ABI2: variants seen among roughly 807,000 people sequenced by gnomAD.
The protein encoded by ABI2 is abl interactor 2.
Under a neutral mutation model 59.2 loss-of-function variants are expected in ABI2, and 25 were observed. The ratio of observed to expected loss-of-function variants is 0.42; its 90% CI spans 0.31 to 0.59. The LOEUF (loss-of-function observed/expected upper bound fraction) is 0.59. Ranked by LOEUF, ABI2 falls within the 20% of genes least tolerant of loss-of-function variation. The probability of loss-of-function intolerance (pLI) is 0.14; values close to 1 mark genes in which losing one functional copy is unlikely to be tolerated. For missense variants in ABI2, 545 were observed against 681.8 expected, an observed-to-expected ratio of 0.80 and a Z score of 2.23; for synonymous variants, 213 against 235.5, an observed-to-expected ratio of 0.90 and a Z score of 0.87.
chr2:203,427,322 C>T lies in ABI2; in HGVS notation c.1599C>T (p.Tyr533=), dbSNP rs1028618107. 16 of 1,613,838 alleles carry T rather than the reference C, an allele frequency of 9.9e-6. No homozygotes were observed. Among genetic ancestry groups the T allele is most frequent in the South Asian group, 2.2e-5 (2 of 91,060 alleles). ...TGACTGGGCTTTTTCCTGGGAATTA[C>T]GTTGAGTCTATCATGCATTATTCTG... The part of the protein sequence containing the change: ...NGVTGLFPGN[Y]VESIMHYSE Residue 533 remains tyrosine, a synonymous_variant, in exon 12 of 12, where the codon TAC becomes TAT. Transcript: ENST00000261018.
intron 1 of ABI2, among the ~76,000 whole-genome samples, chr2:203,343,534 C>T (rs936575138): frequency 1.3e-5 from 2 of 151,838 alleles, no homozygotes; most frequent in African/African-American, 2.4e-5. Context: ...GATGGGGTTG[C>T]TCAGGGTGAT....
Position 203,345,199 on chromosome 2 carries a change from C to T in ABI2, c.117+16568C>T, listed in dbSNP as rs139139272. On this transcript the variant is annotated intron_variant, in intron 1 of 11. Coordinates refer to ENST00000261018, the MANE Select transcript of ABI2 (RefSeq NM_001375670.1). The stretch of plus-strand genomic sequence containing the variant: ...TCTGCAGCTTCACTCCTGAAGCCAG[C>T]GAGACCACAAACTTATCGGGAGGAA... Among the ~76,000 whole-genome samples, 756 of 152,262 alleles carry T rather than the reference C, an allele frequency of 5.0e-3. 11 individuals are homozygous for T. The highest frequency in any genetic ancestry group is 0.017 in the African/African-American group (718 of 41,548).
chr2:203,370,089 TAAATA>T (rs2094971845), intron 2 of ABI2, among the ~76,000 whole-genome samples: 1 of 152,274 alleles, frequency 6.6e-6, no homozygotes, highest in East Asian at 1.9e-4. Context: ...AAACTTTTCT[TAAATA>T]AAAGGCCAGA....
At chr2:203,385,139 C>CTTTTTTTTTTTTCTTTTTTT (rs2096429755) in intron 4 of ABI2, among the ~76,000 whole-genome samples, 1 of 69,938 alleles carries the variant, frequency 1.4e-5, no homozygotes, top group Non-Finnish European at 2.9e-5. Context: ...GGCTCAGATT[C>CTTTTTTTTTTTTCTTTTTTT]TTTTTTTTTT....
rs761089846 is a variant in ABI2, at chr2:203,419,271, C to T, written c.1453+2190C>T. Among the ~76,000 whole-genome samples the T allele has an allele frequency of 3.8e-4, 56 of 149,314 alleles. 1 individual carries two copies. The highest frequency in any genetic ancestry group is 1.3e-3 in the Admixed American group (20 of 15,008). ...ACTACCGGCGCCCACCACCGCGCCCCGCTAATTTTTTTGTATTTTTAGTAG... is the reference window on the plus strand; with the variant it reads ...ACTACCGGCGCCCACCACCGCGCCCTGCTAATTTTTTTGTATTTTTAGTAG... On this transcript the variant is annotated intron_variant, in intron 11 of 11. Coordinates refer to ENST00000261018, the MANE Select transcript of ABI2 (RefSeq NM_001375670.1).
At chr2:203,333,920 A>G (rs2075180469) in intron 1 of ABI2, among the ~76,000 whole-genome samples, 1 of 148,642 alleles carries the variant, frequency 6.7e-6, no homozygotes, top group African/African-American at 2.5e-5. Flanking sequence ...CTGTTCATTT[A>G]TTTTTTCTTT....
intron 10 of ABI2, among the ~76,000 whole-genome samples, chr2:203,413,488 A>T (rs1257714594): frequency 6.6e-6 from 1 of 152,222 alleles, no homozygotes; most frequent in Non-Finnish European, 1.5e-5. Context: ...CACTACCTAT[A>T]TTTTAAAAAG....
intron 10 of ABI2, among the ~76,000 whole-genome samples, chr2:203,415,230 T>A (rs999601437): frequency 2.0e-5 from 3 of 152,156 alleles, no homozygotes; most frequent in Admixed American, 6.5e-5. Flanking sequence ...ATAAAGTAGA[T>A]CAGTATAGAG....
intron 1 of ABI2, among the ~76,000 whole-genome samples, chr2:203,365,760 G>T (rs1343440890): frequency 6.7e-6 from 1 of 149,842 alleles, no homozygotes; most frequent in Non-Finnish European, 1.5e-5. Context: ...CTCCTGAGTA[G>T]CTGGGACTAC....
chr2:203,397,921 G>GA (rs1009888924), intron 8 of ABI2, among the ~76,000 whole-genome samples: 6 of 152,148 alleles, frequency 3.9e-5, no homozygotes, highest in African/African-American at 1.4e-4. Flanking sequence ...TAAACCATGA[G>GA]AAACCGCCCT....
At chr2:203,330,019 G>A (rs1178604808) in intron 1 of ABI2, among the ~76,000 whole-genome samples, 1 of 152,154 alleles carries the variant, frequency 6.6e-6, no homozygotes, top group Non-Finnish European at 1.5e-5. Flanking sequence ...TTATAGGCGT[G>A]AGGCACCTTT....
intron 5 of ABI2, among the ~76,000 whole-genome samples, chr2:203,392,316 A>T (rs1559313199): frequency 0.02 from 2,348 of 115,098 alleles, 75 homozygotes; most frequent in African/African-American, 0.073. Context: ...CACCACCACC[A>T]ACAACAACAA....
At chr2:203,355,042 T>C in intron 1 of ABI2, 1 of 260,308 alleles carries the variant, frequency 3.8e-6, no homozygotes, top group South Asian at 4.1e-5. Flanking sequence ...TTGTTAACGT[T>C]TTAGTCCTGC....
At chr2:203,403,617 G>A (rs914846062) in intron 9 of ABI2, among the ~76,000 whole-genome samples, 4 of 138,282 alleles carry the variant, frequency 2.9e-5, no homozygotes, top group African/African-American at 7.9e-5. Context: ...TTAGAATCAC[G>A]TACAAAATAA....
At chr2:203,354,628 C>T (rs914706697) in intron 1 of ABI2, among the ~76,000 whole-genome samples, 3 of 152,210 alleles carry the variant, frequency 2.0e-5, no homozygotes, top group African/African-American at 7.2e-5. Flanking sequence ...GACTTTATTA[C>T]AGCAACAATA....
At chr2:203,348,985 T>G (rs1576343508) in intron 1 of ABI2, among the ~76,000 whole-genome samples, 1 of 152,058 alleles carries the variant, frequency 6.6e-6, no homozygotes, top group Non-Finnish European at 1.5e-5. Flanking sequence ...TAGGCTGGAG[T>G]GCAATGGTGT....
At position 203,328,400 on chromosome 2, in the gene ABI2, G is replaced by T. The variant is rs1559126386; in HGVS notation, c.-115G>T. The T allele has an allele frequency of 1.2e-6, 1 of 828,256 alleles. No individual in the cohort carries two copies. The highest frequency in any genetic ancestry group is 1.9e-6 in the Non-Finnish European group (1 of 517,618). 51.3% of individuals were successfully genotyped at this position (828,256 alleles called of 1,614,324 possible). A position where few individuals can be genotyped will look rare whatever the true frequency, so the allele number is the denominator to read the frequency against. On this transcript the variant is annotated 5_prime_UTR_variant, in exon 1 of 12. Coordinates refer to ENST00000261018, the MANE Select transcript of ABI2 (RefSeq NM_001375670.1). ...GCTGGGGCTGTTTCTCGCTCCTTCC[G>T]AGTTACCGCCGCCGTCGCCGCCGCT...
chr2:203,353,514 C>G (rs775190810), intron 1 of ABI2, among the ~76,000 whole-genome samples: 1 of 152,180 alleles, frequency 6.6e-6, no homozygotes, highest in Non-Finnish European at 1.5e-5. Flanking sequence ...GAATCTCGCT[C>G]TGTCGCCCAG....
At chr2:203,349,407 C>T (rs914548948) in intron 1 of ABI2, among the ~76,000 whole-genome samples, 5 of 151,634 alleles carry the variant, frequency 3.3e-5, no homozygotes, top group Admixed American at 1.3e-4. Flanking sequence ...CCAGTGATAT[C>T]CTTTCTTCTT....
Sources: gnomAD v4.1 joint callset for allele counts (sites outside exome capture counted in the v4.1 genomes callset) on GRCh38, gnomAD v4.1.1 for gene constraint, MANE v1.5 for transcripts, NCBI Gene and HGNC (gene_info 2026-07-23, HGNC 2026-07-21) for gene names.